TP73: variants seen among roughly 807,000 people sequenced by gnomAD.
The protein encoded by TP73 is tumor protein p73.
Under a neutral mutation model 62.5 loss-of-function variants are expected in TP73, and 25 were observed. The observed-to-expected ratio is 0.40, with a 90% confidence interval of 0.29 to 0.56. The LOEUF is 0.56. Among genes scored for constraint, TP73 ranks in the 20% least tolerant of loss-of-function variants. The pLI is 0.46. For synonymous variants in TP73, 423 were observed against 377.5 expected, an observed-to-expected ratio of 1.12 and a Z score of -1.40; for missense variants, 754 against 913.3, an observed-to-expected ratio of 0.83 and a Z score of 2.25.
chr1:3,730,867 G>A, intron 11 of TP73, 60 bp from the exon 12 acceptor site: 1 of 1,521,492 alleles, frequency 6.6e-7, no homozygotes, highest in East Asian at 2.5e-5. Context: ...AGCCTGGGTG[G>A]AGGCTGCACC....
chr1:3,652,978 G>A (rs1644788312), intron 1 of TP73, among the ~76,000 whole-genome samples: 1 of 152,156 alleles, frequency 6.6e-6, no homozygotes, highest in East Asian at 1.9e-4. Context: ...TCCGAGGGCC[G>A]TTGGGAGGGT....
intron 3 of TP73, among the ~76,000 whole-genome samples, chr1:3,705,690 C>T (rs1639568957): frequency 6.6e-6 from 1 of 152,228 alleles, no homozygotes; most frequent in African/African-American, 2.4e-5. Flanking sequence ...AGCAGCAGTC[C>T]CCTGCCTCCT....
intron 3 of TP73, among the ~76,000 whole-genome samples, chr1:3,700,975 G>A (rs990738576): frequency 3.9e-5 from 6 of 152,202 alleles, no homozygotes; most frequent in African/African-American, 1.4e-4. Context: ...TCAAGGGGCT[G>A]TCCCCGCCCT....
chr1:3,700,105 G>A (rs1302742415), intron 3 of TP73, among the ~76,000 whole-genome samples: 1 of 152,084 alleles, frequency 6.6e-6, no homozygotes, highest in Non-Finnish European at 1.5e-5. Context: ...CACTTGTGGA[G>A]ACAAAGGTTT....
chr1:3,697,600 C>G (rs1341173128), intron 3 of TP73, among the ~76,000 whole-genome samples: 2 of 152,258 alleles, frequency 1.3e-5, no homozygotes, highest in Non-Finnish European at 2.9e-5. Context: ...TTACTGTCGT[C>G]AGCATGGAGG....
At chr1:3,726,935 ATGGGGTGGGTTGG>A (rs1341387723) in intron 6 of TP73, among the ~76,000 whole-genome samples, 167 bp from the exon 7 acceptor site, 1 of 151,854 alleles carries the variant, frequency 6.6e-6, no homozygotes, top group Non-Finnish European at 1.5e-5. Flanking sequence ...GGATGGATGG[ATGGGGTGGGTTGG>A]TGGATGGATG....
intron 4 of TP73, 23 bp downstream of exon 4, chr1:3,707,814 G>T: frequency 6.3e-7 from 1 of 1,589,774 alleles, no homozygotes; most frequent in South Asian, 1.1e-5. Flanking sequence ...AGTCCCTGAG[G>T]GCTGCGGGCT....
intron 3 of TP73, among the ~76,000 whole-genome samples, chr1:3,685,693 G>A (rs553131530): frequency 6.6e-6 from 1 of 152,372 alleles, no homozygotes; most frequent in African/African-American, 2.4e-5. Flanking sequence ...GCTGCCTTGA[G>A]AATGGCCCCT....
intron 3 of TP73, among the ~76,000 whole-genome samples, chr1:3,688,405 TC>T (rs1351772886): frequency 6.6e-6 from 1 of 152,000 alleles, no homozygotes; most frequent in Non-Finnish European, 1.5e-5. Flanking sequence ...GGAAACGAAG[TC>T]CCCCTGTCTG....
chr1:3,727,991 C>G, intron 8 of TP73, 138 bp from the exon 9 acceptor site: 1 of 1,169,634 alleles, frequency 8.5e-7, no homozygotes, highest in Non-Finnish European at 1.2e-6. Context: ...GTTTGCCCGT[C>G]CCTGTGGGTT....
At chr1:3,657,931 C>T (rs1303967525) in intron 1 of TP73, among the ~76,000 whole-genome samples, 5 of 152,248 alleles carry the variant, frequency 3.3e-5, no homozygotes, top group Admixed American at 2.0e-4. Context: ...CAAGAAGCCC[C>T]ACCGGGAGAG....
At chr1:3,667,301 C>A (rs567059881) in intron 1 of TP73, among the ~76,000 whole-genome samples, 30 of 152,350 alleles carry the variant, frequency 2.0e-4, no homozygotes, top group African/African-American at 6.5e-4. Flanking sequence ...CTTTAGCTCC[C>A]TGGTACCCAT....
chr1:3,707,719 C>T lies in TP73; in HGVS notation c.357C>T (p.Thr119=), dbSNP rs552898942. 32 of 1,613,294 alleles carry T rather than the reference C, an allele frequency of 2.0e-5. No homozygotes were observed. Among genetic ancestry groups the T allele is most frequent in the South Asian group, 1.9e-4 (17 of 91,086 alleles). Reference sequence around the variant, plus strand: ...CGGCGCCTGTCATCCCCTCCAACACCGACTACCCCGGACCCCACCACTTTG... The same window carrying T: ...CGGCGCCTGTCATCCCCTCCAACACTGACTACCCCGGACCCCACCACTTTG... ...MSPAPVIPSN[T]DYPGPHHFEV... Residue 119 remains threonine, a synonymous_variant, in exon 4 of 14, where the codon ACC becomes ACT. Coordinates refer to ENST00000378295, the MANE Select transcript of TP73 (RefSeq NM_005427.4).
intron 4 of TP73, among the ~76,000 whole-genome samples, chr1:3,713,917 C>T (rs1005114207): frequency 2.0e-5 from 3 of 152,120 alleles, no homozygotes; most frequent in African/African-American, 7.2e-5. Context: ...GGTAACAGCA[C>T]TCCAGGCTTC....
At chr1:3,689,413 C>T (rs546597931) in intron 3 of TP73, among the ~76,000 whole-genome samples, 2 of 152,340 alleles carry the variant, frequency 1.3e-5, no homozygotes. Flanking sequence ...CCTGCTGCCT[C>T]CCGGCCCTAG....
At position 3,672,025 on chromosome 1, in the gene TP73, T is replaced by C. The variant is rs1645253139; in HGVS notation, c.-33-10308T>C. Reference sequence around the variant, plus strand: ...GGGACGCATGACAAGTTCAGGGAGTTGACAGCTGTCTGGAAGGGCACGTCT... The same window carrying C: ...GGGACGCATGACAAGTTCAGGGAGTCGACAGCTGTCTGGAAGGGCACGTCT... On this transcript the variant is annotated intron_variant, in intron 1 of 13. Transcript: ENST00000378295. This position sits in a 1 kb window ranked among gnomAD's most constrained non-coding sequence, Gnocchi z 5.3. Among the ~76,000 whole-genome samples the C allele has an allele frequency of 6.6e-6, 1 of 152,118 alleles. No homozygotes were observed. Among genetic ancestry groups the C allele is most frequent in the Non-Finnish European group, 1.5e-5 (1 of 67,992 alleles).
At chr1:3,705,043 G>A (rs933041414) in intron 3 of TP73, among the ~76,000 whole-genome samples, 1 of 152,182 alleles carries the variant, frequency 6.6e-6, no homozygotes, top group African/African-American at 2.4e-5. Context: ...GTTATATTTT[G>A]TTTCGTTTTT....
intron 1 of TP73, among the ~76,000 whole-genome samples, chr1:3,677,641 G>A (rs1368162314): frequency 6.6e-6 from 1 of 151,556 alleles, no homozygotes; most frequent in Non-Finnish European, 1.5e-5. Context: ...ATACACACTG[G>A]ACGCCCCTGT....
intron 13 of TP73, 88 bp from the exon 14 acceptor site, chr1:3,732,659 G>A (rs1642222274): frequency 8.3e-7 from 1 of 1,204,402 alleles, no homozygotes; most frequent in African/African-American, 1.5e-5. Context: ...GCCAGGGTGT[G>A]GTGTGGCCAG....
Sources: gnomAD v4.1 joint callset for allele counts (sites outside exome capture counted in the v4.1 genomes callset) on GRCh38, gnomAD v4.1.1 for gene constraint, Gnocchi (gnomAD v3.1) non-coding constraint, MANE v1.5 for transcripts, NCBI Gene and HGNC (gene_info 2026-07-23, HGNC 2026-07-21) for gene names.